CD8B: variants seen among roughly 807,000 people sequenced by gnomAD.
CD8B encodes T-cell surface glycoprotein CD8 beta chain.
Under a neutral mutation model 24.2 loss-of-function variants are expected in CD8B, and 6 were observed. The ratio of observed to expected loss-of-function variants is 0.25; its 90% CI spans 0.14 to 0.49. The LOEUF (loss-of-function observed/expected upper bound fraction) is 0.49. Ranked by LOEUF, CD8B falls within the 20% of genes least tolerant of loss-of-function variation. The pLI is 0.98. For missense variants in CD8B, 196 were observed against 271.3 expected (o/e 0.72, Z 1.95); for synonymous variants, 84 against 108.3 (o/e 0.78, Z 1.39).
At chr2:86,835,970 ATCT>A (rs1225709086), downstream of CD8B, among the ~76,000 whole-genome samples, 5 of 151,976 alleles carry the variant, frequency 3.3e-5, no homozygotes, top group Admixed American at 6.6e-5. Context: ...GGTTAGGGAC[ATCT>A]TCTGAGCCAA....
intron 2 of CD8B, among the ~76,000 whole-genome samples, 153 bp downstream of exon 2, chr2:86,857,904 G>C (rs541527769): frequency 3.3e-5 from 5 of 152,264 alleles, no homozygotes; most frequent in African/African-American, 1.2e-4. Context: ...CTTGGCCTGG[G>C]TAAGTCTCCA....
downstream of CD8B, among the ~76,000 whole-genome samples, chr2:86,837,298 T>G (rs1675214994): frequency 6.6e-6 from 1 of 152,216 alleles, no homozygotes; most frequent in Non-Finnish European, 1.5e-5. Flanking sequence ...CCAACAGTAC[T>G]GTGGAGGTTG....
intron 5 of CD8B, among the ~76,000 whole-genome samples, chr2:86,826,100 G>A (rs1674677643): frequency 6.6e-6 from 1 of 152,076 alleles, no homozygotes; most frequent in South Asian, 2.1e-4. Context: ...GTCTTATATT[G>A]ATGTACCCTT....
At chr2:86,852,295 C>T (rs534286531) in intron 3 of CD8B, among the ~76,000 whole-genome samples, 1 of 152,290 alleles carries the variant, frequency 6.6e-6, no homozygotes, top group East Asian at 1.9e-4. Flanking sequence ...AGTGCTGGTC[C>T]TTTGAGTGGA....
intron 5 of CD8B, among the ~76,000 whole-genome samples, chr2:86,824,778 C>A (rs948728369): frequency 2.6e-5 from 4 of 152,214 alleles, no homozygotes; most frequent in Non-Finnish European, 5.9e-5. Context: ...ACTATAAACA[C>A]AGTGCTACAT....
At chr2:86,859,364 C>T (rs1444176015) in intron 1 of CD8B, among the ~76,000 whole-genome samples, 2 of 152,192 alleles carry the variant, frequency 1.3e-5, no homozygotes, top group Non-Finnish European at 2.9e-5. Flanking sequence ...TAGAGCAGGA[C>T]TCACAGACCT....
Position 86,840,834 on chromosome 2 carries a change from C to T in CD8B, c.*1473G>A, listed in dbSNP as rs1472989862. Among the ~76,000 whole-genome samples the T allele has an allele frequency of 2.6e-5, 4 of 152,184 alleles. No individual in the cohort carries two copies. The highest frequency in any genetic ancestry group is 1.5e-5 in the Non-Finnish European group (1 of 68,044). On this transcript the variant is annotated 3_prime_UTR_variant, in exon 6 of 6. Coordinates refer to ENST00000390655, the MANE Select transcript of CD8B (RefSeq NM_004931.5). ...CCACCCACCACACCTCATTCTGCTG[C>T]GGCCGCACCCCAGATGCCAGGAGAA...
rs1189628254 is a variant in CD8B, at chr2:86,858,266, C to T, written c.194G>A (p.Ser65Asn). The T allele has an allele frequency of 1.2e-6, 2 of 1,613,930 alleles. No homozygotes were observed. Among genetic ancestry groups the T allele is most frequent in the African/African-American group, 2.7e-5 (2 of 74,938 alleles). ...LRQRQAPSSD[S>N]HHEFLALWDS... ...CCAGAGGGCCAGGAACTCGTGGTGA[C>T]TGTCACTGCTCGGTGCCTGGCGCTG... The change falls in exon 2 of 6, where the codon AGT becomes AAT. Residue 65 changes from serine to asparagine, a missense_variant. Ser to Asn is a conservative substitution (Grantham distance 46). Coordinates refer to ENST00000390655, the MANE Select transcript of CD8B (RefSeq NM_004931.5).
intron 5 of CD8B, among the ~76,000 whole-genome samples, chr2:86,827,342 GGGGGCCT>G (rs1674731499): frequency 6.6e-6 from 1 of 152,048 alleles, no homozygotes; most frequent in Non-Finnish European, 1.5e-5. Context: ...AATGTGGGCT[GGGGGCCT>G]GGTGTGGTGG....
chr2:86,831,356 C>T (rs1358013116), intron 5 of CD8B, among the ~76,000 whole-genome samples: 2 of 152,198 alleles, frequency 1.3e-5, no homozygotes, highest in Admixed American at 6.5e-5. Context: ...CATGAGCCAC[C>T]ATGCCTGGCT....
chr2:86,831,133 G>C (rs765355386), intron 5 of CD8B, among the ~76,000 whole-genome samples: 1 of 152,104 alleles, frequency 6.6e-6, no homozygotes, highest in Non-Finnish European at 1.5e-5. Context: ...GCAGTGGTGC[G>C]ATCTTGGCTC....
At chr2:86,816,877 G>A (rs1185911986) in intron 5 of CD8B, among the ~76,000 whole-genome samples, 1 of 152,214 alleles carries the variant, frequency 6.6e-6, no homozygotes, top group Non-Finnish European at 1.5e-5. Flanking sequence ...TTTAAAGTAT[G>A]CAGGGCAAAA....
chr2:86,823,560 C>T (rs1467998706), intron 5 of CD8B, among the ~76,000 whole-genome samples: 8 of 152,082 alleles, frequency 5.3e-5, no homozygotes, highest in African/African-American at 7.2e-5. Context: ...GATTACAAAG[C>T]GAGCCACAAG....
intron 1 of CD8B, among the ~76,000 whole-genome samples, chr2:86,860,067 C>T (rs1159605743): frequency 1.3e-5 from 2 of 151,898 alleles, no homozygotes; most frequent in African/African-American, 2.4e-5. Flanking sequence ...CTCAGGATAT[C>T]GAGACCAGCC....
At chr2:86,830,360 A>C (rs1195817851) in intron 5 of CD8B, among the ~76,000 whole-genome samples, 1 of 152,210 alleles carries the variant, frequency 6.6e-6, no homozygotes, top group African/African-American at 2.4e-5. Context: ...TGAGGCCAGC[A>C]GTTCGAGACC....
At chr2:86,853,769 G>A (rs1395793198) in intron 2 of CD8B, among the ~76,000 whole-genome samples, 1 of 152,110 alleles carries the variant, frequency 6.6e-6, no homozygotes, top group South Asian at 2.1e-4. Flanking sequence ...GCAGTGGCAC[G>A]ATCTCGGCTC....
At chr2:86,816,889 CCAATA>C (rs1240463794) in intron 5 of CD8B, among the ~76,000 whole-genome samples, 1 of 152,098 alleles carries the variant, frequency 6.6e-6, no homozygotes, top group Non-Finnish European at 1.5e-5. Context: ...AGGGCAAAAA[CCAATA>C]CAAAGTTAAA....
At chr2:86,857,580 T>G (rs1229104670) in intron 2 of CD8B, among the ~76,000 whole-genome samples, 1 of 151,848 alleles carries the variant, frequency 6.6e-6, no homozygotes, top group African/African-American at 2.4e-5. Flanking sequence ...ATTAGCCAGG[T>G]GTGGTGGCTC....
intron 5 of CD8B, among the ~76,000 whole-genome samples, chr2:86,821,911 C>T (rs1481323078): frequency 1.3e-5 from 2 of 152,130 alleles, no homozygotes; most frequent in Admixed American, 1.3e-4. Flanking sequence ...TTTTCGAGGC[C>T]CGCTCTTCTC....
Sources: allele counts gnomAD v4.1 joint callset (sites outside exome capture counted in the v4.1 genomes callset), GRCh38; gene constraint gnomAD v4.1.1; transcripts MANE v1.5; gene names NCBI Gene and HGNC (gene_info 2026-07-23, HGNC 2026-07-21).